Variants in PACS1 observed in about 807,000 individuals in gnomAD.
The protein encoded by PACS1 is phosphofurin acidic cluster sorting protein 1, also known as PACS-1.
A neutral mutation model predicts 115.0 loss-of-function variants in PACS1; 24 were observed. The observed-to-expected ratio is 0.21, with a 90% CI of 0.15 to 0.29. PACS1 has a LOEUF of 0.29. PACS1 is among the 10% of genes least tolerant of loss of function. The pLI is 1.00. For synonymous variants in PACS1, 453 were observed against 504.5 expected, an observed-to-expected ratio of 0.90 and a Z score of 1.37; for missense variants, 838 against 1,251.2, an observed-to-expected ratio of 0.67 and a Z score of 4.98.
At chr11:66,216,023 G>T in intron 4 of PACS1, 96 bp from the exon 5 acceptor site, 1 of 1,105,250 alleles carries the variant, frequency 9.0e-7, no homozygotes, top group Middle Eastern at 2.7e-4. Flanking sequence ...CGTATCAGCA[G>T]AATGCTGTTG....
intron 1 of PACS1, among the ~76,000 whole-genome samples, chr11:66,158,360 C>T (rs1340333541): frequency 2.0e-5 from 3 of 152,228 alleles, no homozygotes; most frequent in Non-Finnish European, 2.9e-5. Flanking sequence ...CAAGAATGTT[C>T]TTGAGAATTG....
rs186842385 is a variant in PACS1, at chr11:66,189,552, C to T, written c.357-3934C>T. Among the ~76,000 whole-genome samples, 264 of 152,270 alleles carry T rather than the reference C, an allele frequency of 1.7e-3. 2 individuals carry two copies. Among genetic ancestry groups the T allele is most frequent in the South Asian group, 4.1e-4 (2 of 4,820 alleles). On this transcript the variant is annotated intron_variant, in intron 1 of 23. Transcript: ENST00000320580. ...ACGTAACGTGATTGTTTGCTTTTCC[C>T]GCTGCGCTGTGTAGCCCACATCCTT...
At chr11:66,083,150 G>A (rs1857516781) in intron 1 of PACS1, among the ~76,000 whole-genome samples, 1 of 152,122 alleles carries the variant, frequency 6.6e-6, no homozygotes, top group Non-Finnish European at 1.5e-5. Flanking sequence ...TCTCTCCCAT[G>A]CACTGCTTTT....
At chr11:66,217,021 C>G (rs1301744912) in intron 7 of PACS1, 3 of 506,640 alleles carry the variant, frequency 5.9e-6, no homozygotes, top group Non-Finnish European at 1.1e-5. Flanking sequence ...GGAGGAGAAC[C>G]CTTCTTGTAG....
At chr11:66,112,205 C>T (rs1209444257) in intron 1 of PACS1, among the ~76,000 whole-genome samples, 1 of 151,936 alleles carries the variant, frequency 6.6e-6, no homozygotes, top group Non-Finnish European at 1.5e-5. Context: ...AAAACCCAGA[C>T]TTCTTCTCCT....
intron 1 of PACS1, among the ~76,000 whole-genome samples, chr11:66,124,426 G>C (rs1858524547): frequency 6.6e-6 from 1 of 152,164 alleles, no homozygotes; most frequent in Admixed American, 6.5e-5. Context: ...GGGTTGTTGT[G>C]ATCATAAAGA....
chr11:66,098,878 A>G (rs1466726765), intron 1 of PACS1, among the ~76,000 whole-genome samples: 1 of 152,210 alleles, frequency 6.6e-6, no homozygotes, highest in Non-Finnish European at 1.5e-5. Context: ...CACAAAAATG[A>G]TGCTGTAATA....
chr11:66,092,663 G>A (rs1235728343), intron 1 of PACS1, among the ~76,000 whole-genome samples: 5 of 152,018 alleles, frequency 3.3e-5, no homozygotes, highest in Non-Finnish European at 5.9e-5. Flanking sequence ...TAGGTCTAAC[G>A]TTTAAGTCTT....
At chr11:66,076,900 C>T (rs565737679) in intron 1 of PACS1, among the ~76,000 whole-genome samples, 24 of 152,324 alleles carry the variant, frequency 1.6e-4, no homozygotes, top group African/African-American at 5.8e-4. Context: ...TGAGGAAAGT[C>T]AGAGTTTGGA....
intron 1 of PACS1, among the ~76,000 whole-genome samples, chr11:66,176,570 C>T (rs370195202): frequency 9.2e-5 from 14 of 152,056 alleles, no homozygotes; most frequent in East Asian, 7.7e-4. Context: ...TGTGCTACCA[C>T]GCCTGGCTAA....
Position 66,202,726 on chromosome 11 carries a change from G to GGAAAAA in PACS1, c.445-7636_445-7635insGAAAAA, listed in dbSNP as rs1554988658. On this transcript the variant is annotated intron_variant, in intron 2 of 23. Coordinates refer to ENST00000320580, the MANE Select transcript of PACS1 (RefSeq NM_018026.4). Reference sequence around the variant, plus strand: ...CAACATGGCAAAACCTCATCTCTAGGAAAAAAAAAAAAAAAAATATATATA... The same window carrying GGAAAAA: ...CAACATGGCAAAACCTCATCTCTAGGGAAAAAAAAAAAAAAAAAAAAAATATATATA... Among the ~76,000 whole-genome samples the GGAAAAA allele has an allele frequency of 1.9e-3, 21 of 10,954 alleles. 2 individuals carry two copies. The highest frequency in any genetic ancestry group is 2.6e-3 in the African/African-American group (11 of 4,186). The allele number at this position is 10,954 out of a possible 152,430, so 7.2% of individuals were successfully genotyped here. A position where few individuals can be genotyped will look rare whatever the true frequency, so the allele number is the denominator to read the frequency against.
intron 1 of PACS1, among the ~76,000 whole-genome samples, chr11:66,125,309 C>T (rs964038893): frequency 6.6e-6 from 1 of 152,074 alleles, no homozygotes; most frequent in Non-Finnish European, 1.5e-5. Flanking sequence ...AATTAAAGTA[C>T]CACATCAATT....
At chr11:66,085,413 C>CA (rs1274090727) in intron 1 of PACS1, among the ~76,000 whole-genome samples, 1 of 152,186 alleles carries the variant, frequency 6.6e-6, no homozygotes, top group Non-Finnish European at 1.5e-5. Flanking sequence ...GCAAAGGACT[C>CA]AGAGTTTGCA....
At chr11:66,237,298 G>A (rs185263513) in intron 19 of PACS1, among the ~76,000 whole-genome samples, 174 of 152,322 alleles carry the variant, frequency 1.1e-3, no homozygotes, top group Non-Finnish European at 1.7e-3. Context: ...TTGGACTCAG[G>A]AGATCCACCT....
chr11:66,154,221 G>A (rs1859305707), intron 1 of PACS1, among the ~76,000 whole-genome samples: 1 of 152,142 alleles, frequency 6.6e-6, no homozygotes, highest in Admixed American at 6.5e-5. Context: ...AGTATTGCTT[G>A]AGGCCAGGAA....
intron 22 of PACS1, among the ~76,000 whole-genome samples, chr11:66,241,884 T>C (rs1855822177): frequency 6.6e-6 from 1 of 152,100 alleles, no homozygotes; most frequent in Non-Finnish European, 1.5e-5. Flanking sequence ...TCTGCTGAGC[T>C]CCAGTACTTT....
chr11:66,113,067 A>AAC (rs1243640672), intron 1 of PACS1, among the ~76,000 whole-genome samples: 11 of 152,348 alleles, frequency 7.2e-5, no homozygotes, highest in African/African-American at 2.6e-4. Flanking sequence ...ACTGGGATGG[A>AAC]ACACAGAACT....
chr11:66,164,796 TG>T (rs1859567130), intron 1 of PACS1, among the ~76,000 whole-genome samples: 2 of 151,566 alleles, frequency 1.3e-5, no homozygotes, highest in South Asian at 4.2e-4. Flanking sequence ...GTTTATAGTT[TG>T]TTGACATTAC....
At chr11:66,185,323 G>A (rs1004731943) in intron 1 of PACS1, among the ~76,000 whole-genome samples, 2 of 152,156 alleles carry the variant, frequency 1.3e-5, no homozygotes, top group Admixed American at 1.3e-4. Context: ...AGTAACGTGG[G>A]ATCCTCCTTT....
Sources: allele counts gnomAD v4.1 joint callset (sites outside exome capture counted in the v4.1 genomes callset), GRCh38; gene constraint gnomAD v4.1.1; transcripts MANE v1.5; gene names NCBI Gene and HGNC (gene_info 2026-07-23, HGNC 2026-07-21).